KCNN3: variants seen among roughly 807,000 people sequenced by gnomAD.
KCNN3 encodes small conductance calcium-activated potassium channel protein 3.
KCNN3 carries 16 observed loss-of-function variants against 62.9 expected under a neutral mutation model. The observed-to-expected ratio is 0.25, with a 90% CI of 0.17 to 0.39. The LOEUF is 0.39. KCNN3 is among the 10% of genes least tolerant of loss of function. The probability of loss-of-function intolerance (pLI) is 1.00; values close to 1 mark genes in which losing one functional copy is unlikely to be tolerated. For synonymous variants in KCNN3, 370 were observed against 389.2 expected, an observed-to-expected ratio of 0.95 and a Z score of 0.58; for missense variants, 599 against 949.4, an observed-to-expected ratio of 0.63 and a Z score of 4.85.
chr1:154,807,996 G>T (rs1170930317), intron 2 of KCNN3, among the ~76,000 whole-genome samples: 1 of 151,994 alleles, frequency 6.6e-6, no homozygotes, highest in Non-Finnish European at 1.5e-5. Context: ...GATTGAGGGG[G>T]GTTCAACCTG....
At chr1:154,710,752 T>G (rs1157168064) in intron 7 of KCNN3, among the ~76,000 whole-genome samples, 1 of 152,210 alleles carries the variant, frequency 6.6e-6, no homozygotes. Context: ...ATGCTCATGA[T>G]CACTGGCCAT....
rs1699813208 is a variant in KCNN3 at position 154,699,703 on chromosome 1, T to C, written c.*8273A>G. On this transcript the variant is annotated 3_prime_UTR_variant, in exon 8 of 8. Coordinates refer to ENST00000271915, the MANE Select transcript of KCNN3 (RefSeq NM_002249.6). ...TCTAGATGGTTAAACTAACTTCTCT[T>C]GCTATTTTCCTCTAGGGGAGGGGAG... is the stretch of plus-strand genomic sequence containing the variant. 1 of 152,170 alleles carries C rather than the reference T, an allele frequency of 6.6e-6. No individual in the cohort carries two copies. The highest frequency in any genetic ancestry group is 1.5e-5 in the Non-Finnish European group (1 of 68,030). 9.4% of individuals were successfully genotyped at this position (152,170 alleles called of 1,614,324 possible).
In KCNN3 at chr1:154,698,751, G is replaced by GA. The variant is rs1699791838; in HGVS notation, c.*9224_*9225insT. On this transcript the variant is annotated 3_prime_UTR_variant, in exon 8 of 8. Coordinates refer to ENST00000271915, the MANE Select transcript of KCNN3 (RefSeq NM_002249.6). ...GACTCCTCTGCCTTCTAAGACACAG[G>GA]TTCCCACCTGCTTCAGGGAGAGAGA... is the stretch of plus-strand genomic sequence containing the variant. 2 of 152,202 alleles carry GA rather than the reference G, an allele frequency of 1.3e-5. No individual in the cohort carries two copies. The highest frequency in any genetic ancestry group is 4.1e-4 in the South Asian group (2 of 4,828). The allele number at this position is 152,202 out of a possible 1,614,324, so 9.4% of individuals were successfully genotyped here.
At chr1:154,727,206 G>T (rs559608244) in intron 4 of KCNN3, among the ~76,000 whole-genome samples, 2 of 152,258 alleles carry the variant, frequency 1.3e-5, no homozygotes, top group African/African-American at 4.8e-5. Flanking sequence ...AAGAGATGAT[G>T]AACTTATTAA....
intron 2 of KCNN3, among the ~76,000 whole-genome samples, chr1:154,791,809 C>T (rs945342448): frequency 1.3e-5 from 2 of 152,206 alleles, no homozygotes; most frequent in African/African-American, 4.8e-5. Flanking sequence ...ATCTTTTAAA[C>T]TTCACTGCTG....
intron 3 of KCNN3, among the ~76,000 whole-genome samples, chr1:154,749,129 T>C (rs1247733832): frequency 6.6e-6 from 1 of 152,214 alleles, no homozygotes; most frequent in East Asian, 1.9e-4. Context: ...TGTGTTATAA[T>C]GAGCCATGCT....
intron 3 of KCNN3, among the ~76,000 whole-genome samples, chr1:154,763,955 G>T (rs1351895326): frequency 1.3e-5 from 2 of 151,998 alleles, no homozygotes; most frequent in Non-Finnish European, 1.5e-5. Flanking sequence ...CATATTAAAT[G>T]GTTCTTTTGG....
At chr1:154,806,599 A>C (rs1333041894) in intron 2 of KCNN3, among the ~76,000 whole-genome samples, 1 of 152,162 alleles carries the variant, frequency 6.6e-6, no homozygotes, top group Admixed American at 6.5e-5. Context: ...TTTTCTTTTC[A>C]TAAAGGCCTA....
chr1:154,702,795 T>C lies in KCNN3; in HGVS notation c.*5181A>G, dbSNP rs2101748263. 1 of 147,090 alleles carries C rather than the reference T, an allele frequency of 6.8e-6. No individual in the cohort carries two copies. Among genetic ancestry groups the C allele is most frequent in the South Asian group, 2.2e-4 (1 of 4,482 alleles). The allele number at this position is 147,090 out of a possible 1,614,324, so 9.1% of individuals were successfully genotyped here. On this transcript the variant is annotated 3_prime_UTR_variant, in exon 8 of 8. Transcript: ENST00000271915. ...AAATGTCAACATCTCTTTGGGATCC[T>C]AACTGCAGGTTGGAGTTGAATTTTG...
chr1:154,736,805 T>C (rs1700720041), intron 3 of KCNN3, among the ~76,000 whole-genome samples: 1 of 152,198 alleles, frequency 6.6e-6, no homozygotes, highest in Non-Finnish European at 1.5e-5. Context: ...TGGAATTACA[T>C]ATAAATTATG....
At chr1:154,736,111 G>A (rs1048427832) in intron 3 of KCNN3, among the ~76,000 whole-genome samples, 1 of 152,218 alleles carries the variant, frequency 6.6e-6, no homozygotes. Flanking sequence ...CTGGCTTGGA[G>A]CTCCAGCTCC....
At chr1:154,745,938 C>G (rs1321734227) in intron 3 of KCNN3, among the ~76,000 whole-genome samples, 1 of 151,974 alleles carries the variant, frequency 6.6e-6, no homozygotes, top group Non-Finnish European at 1.5e-5. Flanking sequence ...GAGAGTCCAA[C>G]AGACGGGGGT....
chr1:154,737,364 A>C (rs959036648), intron 3 of KCNN3, among the ~76,000 whole-genome samples: 3 of 152,242 alleles, frequency 2.0e-5, no homozygotes, highest in Middle Eastern at 6.8e-3. Context: ...TAAATGAGAG[A>C]TACAAAAGAC....
intron 3 of KCNN3, among the ~76,000 whole-genome samples, chr1:154,760,582 T>C (rs1056142512): frequency 3.5e-4 from 53 of 152,274 alleles, no homozygotes; most frequent in African/African-American, 1.2e-3. Context: ...ACCGCCCACC[T>C]GGCCCTCCCT....
At chr1:154,861,262 C>T (rs1314465499) in intron 1 of KCNN3, among the ~76,000 whole-genome samples, 2 of 152,024 alleles carry the variant, frequency 1.3e-5, no homozygotes, top group African/African-American at 4.8e-5. Flanking sequence ...GCCCCAAGTC[C>T]TTAACTACCA....
rs115796856 is a variant in KCNN3, at chr1:154,790,567, G to A, written c.1030-18174C>T. ...AGTACTGTATCAGTTGCTGACCCTCGTGATCACAGGGCTGACCGGGGCTCT... is the reference window on the plus strand; with the variant it reads ...AGTACTGTATCAGTTGCTGACCCTCATGATCACAGGGCTGACCGGGGCTCT... On this transcript the variant is annotated intron_variant, in intron 2 of 7. Coordinates refer to ENST00000271915, the MANE Select transcript of KCNN3 (RefSeq NM_002249.6). 5.3e-3 allele frequency among the ~76,000 whole-genome samples: 805 copies of A among 152,250 alleles called. 10 individuals carry two copies. The highest frequency in any genetic ancestry group is 0.018 in the African/African-American group (759 of 41,534).
chr1:154,725,276 T>C (rs1700437224), intron 5 of KCNN3, among the ~76,000 whole-genome samples: 1 of 152,182 alleles, frequency 6.6e-6, no homozygotes, highest in East Asian at 1.9e-4. Flanking sequence ...ATCCTGAAAA[T>C]ATTTGAGCAT....
chr1:154,813,110 A>C (rs1018684635), intron 2 of KCNN3, among the ~76,000 whole-genome samples: 1 of 152,096 alleles, frequency 6.6e-6, no homozygotes, highest in Non-Finnish European at 1.5e-5. Context: ...ACAAGTGATC[A>C]GCATCCCAGA....
Position 154,796,080 on chromosome 1 carries a change from C to T in KCNN3, c.1030-23687G>A, listed in dbSNP as rs140728526. Among the ~76,000 whole-genome samples, 852 of 152,272 alleles carry T rather than the reference C, an allele frequency of 5.6e-3. 5 individuals are homozygous for T. The highest frequency in any genetic ancestry group is 0.019 in the African/African-American group (799 of 41,554). ...GCAGAAAGGGTGAGGAGGCAGGGTA[C>T]AAGTTAGAGGCTTCCCTAACAGTCC... is the stretch of plus-strand genomic sequence containing the variant. On this transcript the variant is annotated intron_variant, in intron 2 of 7. Coordinates refer to ENST00000271915, the MANE Select transcript of KCNN3 (RefSeq NM_002249.6).
Sources: gnomAD v4.1 joint callset for allele counts (sites outside exome capture counted in the v4.1 genomes callset) on GRCh38, gnomAD v4.1.1 for gene constraint, MANE v1.5 for transcripts, NCBI Gene and HGNC (gene_info 2026-07-23, HGNC 2026-07-21) for gene names.